Variants in PCDHA11 observed in about 807,000 individuals in gnomAD.
PCDHA11 encodes the protein protocadherin alpha 11, also known as protocadherin alpha-11.
PCDHA11 carries 61 observed loss-of-function variants against 70.3 expected under a neutral mutation model. The observed-to-expected ratio is 0.87, with a 90% confidence interval of 0.71 to 1.07. PCDHA11 has a LOEUF of 1.07. PCDHA11 is among the 50% of genes least tolerant of loss of function. The pLI is 0.00. For missense variants in PCDHA11, 1,324 were observed against 1,237.5 expected, an observed-to-expected ratio of 1.07 and a Z score of -1.05; for synonymous variants, 633 against 555.1, an observed-to-expected ratio of 1.14 and a Z score of -1.97.
intron 1 of PCDHA11, among the ~76,000 whole-genome samples, chr5:140,935,064 T>C (rs782620164): frequency 5.9e-5 from 9 of 152,252 alleles, no homozygotes; most frequent in Admixed American, 2.0e-4. Flanking sequence ...GATGTTCAGA[T>C]TATCTTGTAC....
intron 1 of PCDHA11, among the ~76,000 whole-genome samples, chr5:140,881,902 A>T (rs2058862295): frequency 6.6e-6 from 1 of 152,262 alleles, no homozygotes; most frequent in African/African-American, 2.4e-5. Flanking sequence ...GTCAGCTAAT[A>T]TAAAATGTTG....
chr5:140,984,091 T>G (rs1357477287), intron 3 of PCDHA11, among the ~76,000 whole-genome samples: 1 of 152,204 alleles, frequency 6.6e-6, no homozygotes. Context: ...GAAGAAATGA[T>G]GGAGGAGGAA....
At chr5:140,985,386 T>A (rs2097149117) in intron 3 of PCDHA11, among the ~76,000 whole-genome samples, 1 of 152,170 alleles carries the variant, frequency 6.6e-6, no homozygotes, top group African/African-American at 2.4e-5. Context: ...TATAATCCAG[T>A]CACCCCAACT....
intron 1 of PCDHA11, among the ~76,000 whole-genome samples, chr5:140,913,939 A>G (rs1175115466): frequency 1.3e-5 from 2 of 152,116 alleles, no homozygotes. Flanking sequence ...TCAGAGAAGA[A>G]TCTTGATATG....
rs376867914 is a variant in PCDHA11 at position 140,880,239 on chromosome 5, TGC to T, written c.2391+8747_2391+8748del. Among the ~76,000 whole-genome samples the T allele has an allele frequency of 5.6e-3, 860 of 152,302 alleles. 5 individuals carry two copies. The highest frequency in any genetic ancestry group is 0.014 in the Middle Eastern group (4 of 294). On this transcript the variant is annotated intron_variant, in intron 1 of 3. Transcript: ENST00000398640. ...AGTAGAACATTTAAATTAGTGTATG[TGC>T]GTGTGTGTATGTATACATATTTTAG...
In PCDHA11 at chr5:140,916,964, T is replaced by C. The variant is rs139574694; in HGVS notation, c.2391+45470T>C. On this transcript the variant is annotated intron_variant, in intron 1 of 3. Transcript: ENST00000398640. The stretch of plus-strand genomic sequence containing the variant: ...GTGAGGCTTGCTGAGTTCTGACTGC[T>C]GGGATGAGTGATTCGCCTCTGGCCA... Among the ~76,000 whole-genome samples, 15 of 152,322 alleles carry C rather than the reference T, an allele frequency of 9.8e-5. No individual in the cohort carries two copies. In the East Asian group the frequency reaches 2.9e-3, roughly 29 times the overall value.
In PCDHA11 at chr5:140,986,535, G is replaced by A. The variant is rs552843991; in HGVS notation, c.2539+3972G>A. Among the ~76,000 whole-genome samples, 134 of 152,300 alleles carry A rather than the reference G, an allele frequency of 8.8e-4. 1 individual carries two copies. Among genetic ancestry groups the A allele is most frequent in the Non-Finnish European group, 1.4e-3 (98 of 68,024 alleles). Reference sequence around the variant, plus strand: ...CCCTGCCTGTGAGGGAACTGGCCTGGCTTCAGTGGGCCAGGCTGCTTTGTT... The same window carrying A: ...CCCTGCCTGTGAGGGAACTGGCCTGACTTCAGTGGGCCAGGCTGCTTTGTT... On this transcript the variant is annotated intron_variant, in intron 3 of 3. Transcript: ENST00000398640.
Position 140,881,767 on chromosome 5 carries a change from C to T in PCDHA11, c.2391+10273C>T, listed in dbSNP as rs923432967. Among the ~76,000 whole-genome samples, 13 of 152,322 alleles carry T rather than the reference C, an allele frequency of 8.5e-5. No homozygotes were observed. In the East Asian group the frequency reaches 2.1e-3, roughly 25 times the overall value. On this transcript the variant is annotated intron_variant, in intron 1 of 3. Coordinates refer to ENST00000398640, the MANE Select transcript of PCDHA11 (RefSeq NM_018902.5). ...GACAGTACCACAAAAACCTACATGA[C>T]TATGCAGAACTACCGATCAATTGTC...
chr5:140,980,216 G>A (rs1554241518), intron 2 of PCDHA11, among the ~76,000 whole-genome samples: 1 of 152,190 alleles, frequency 6.6e-6, no homozygotes, highest in African/African-American at 2.4e-5. Flanking sequence ...GCTTTTGCCT[G>A]CATCTGAGCT....
chr5:140,968,203 G>A, intron 1 of PCDHA11: 5 of 1,614,018 alleles, frequency 3.1e-6, no homozygotes, highest in Non-Finnish European at 4.2e-6. Context: ...TCTACATACA[G>A]GAGAACAATT....
chr5:140,889,035 T>C (rs1554183751), intron 1 of PCDHA11, among the ~76,000 whole-genome samples: 2 of 152,104 alleles, frequency 1.3e-5, no homozygotes. Flanking sequence ...AACCGTAATT[T>C]GATTATAATT....
At chr5:140,942,851 G>T (rs1211748532) in intron 1 of PCDHA11, among the ~76,000 whole-genome samples, 2 of 151,980 alleles carry the variant, frequency 1.3e-5, no homozygotes, top group Non-Finnish European at 2.9e-5. Flanking sequence ...CCAGTAAGAT[G>T]ATTATTTTGC....
Position 140,949,361 on chromosome 5 carries a change from G to C in PCDHA11, c.2392-29588G>C, listed in dbSNP as rs150004166. 4.9e-3 allele frequency among the ~76,000 whole-genome samples: 749 copies of C among 151,546 alleles called. 8 individuals are homozygous for C. The highest frequency in any genetic ancestry group is 0.017 in the African/African-American group (722 of 41,420). On this transcript the variant is annotated intron_variant, in intron 1 of 3. Coordinates refer to ENST00000398640, the MANE Select transcript of PCDHA11 (RefSeq NM_018902.5). ...AGATTTTCTGTGTCTTTATTTTTTT[G>C]TCTAGTTGTCCTATCAATTGCTCAG...
At chr5:140,899,431 T>C (rs1271468350) in intron 1 of PCDHA11, among the ~76,000 whole-genome samples, 2 of 152,242 alleles carry the variant, frequency 1.3e-5, no homozygotes, top group Non-Finnish European at 2.9e-5. Context: ...AGGTCTTTTC[T>C]GCATCTATTG....
At chr5:140,988,963 G>A (rs1273293184) in intron 3 of PCDHA11, 2 of 152,140 alleles carry the variant, frequency 1.3e-5, no homozygotes, top group African/African-American at 4.8e-5. Flanking sequence ...CAAGCCCCAC[G>A]ATGGAGAGAA....
intron 1 of PCDHA11, chr5:140,882,874 A>G (rs376046205): frequency 1.9e-6 from 3 of 1,614,108 alleles, no homozygotes; most frequent in Non-Finnish European, 2.5e-6. Context: ...CACTGGACAG[A>G]GAGGAAATTC....
intron 1 of PCDHA11, among the ~76,000 whole-genome samples, chr5:140,947,317 G>A (rs1456422381): frequency 2.0e-5 from 3 of 151,480 alleles, no homozygotes; most frequent in Non-Finnish European, 4.4e-5. Flanking sequence ...TAAAAAGTCG[G>A]TTGACCATAA....
intron 1 of PCDHA11, chr5:140,882,427 G>C (rs201675412): frequency 1.6e-4 from 264 of 1,613,972 alleles, no homozygotes; most frequent in Middle Eastern, 1.7e-4. Context: ...AGGACCTGGG[G>C]CTGGAGCTGG....
rs377755323 is a variant in PCDHA11 at position 140,870,200 on chromosome 5, C to T, written c.1097C>T (p.Thr366Met). ...LPVREDAQPSTVIALISVSDR... is the reference protein window; with the variant it reads ...LPVREDAQPSMVIALISVSDR... Reference sequence around the variant, plus strand: ...GTACGAGAGGACGCTCAGCCCAGCACGGTCATTGCCCTGATCAGCGTGTCT... The same window carrying T: ...GTACGAGAGGACGCTCAGCCCAGCATGGTCATTGCCCTGATCAGCGTGTCT... The change falls in exon 1 of 4, where the codon ACG (threonine) becomes ATG (methionine). Residue 366 changes from threonine to methionine, a missense_variant. By Grantham distance (81) the Thr-to-Met change is moderately conservative. Transcript: ENST00000398640. 7 of 1,614,172 alleles carry T rather than the reference C, an allele frequency of 4.3e-6. No homozygotes were observed. The African/African-American group carries it at 5.3e-5, about 12-fold the overall frequency.
Sources: allele counts gnomAD v4.1 joint callset (sites outside exome capture counted in the v4.1 genomes callset), GRCh38; gene constraint gnomAD v4.1.1; transcripts MANE v1.5; gene names NCBI Gene and HGNC (gene_info 2026-07-23, HGNC 2026-07-21).